The following MAGI1 variants were observed in gnomAD, a reference collection of about 807,000 sequenced individuals.
MAGI1 encodes membrane associated guanylate kinase, WW and PDZ domain containing 1.
Under a neutral mutation model 139.9 loss-of-function variants are expected in MAGI1, and 58 were observed. The observed-to-expected ratio is 0.41, with a 90% CI of 0.34 to 0.52. The LOEUF is 0.52. MAGI1 is among the 20% of genes least tolerant of loss of function. The pLI, the probability that MAGI1 is intolerant of heterozygous loss-of-function variation, is 0.12. For synonymous variants in MAGI1, 812 were observed against 737.9 expected (o/e 1.10, Z -1.63); for missense variants, 1,874 against 1,901.6 (o/e 0.99, Z 0.27).
At chr3:66,025,623 G>A (rs975578809) in intron 1 of MAGI1, among the ~76,000 whole-genome samples, 1 of 152,148 alleles carries the variant, frequency 6.6e-6, no homozygotes, top group African/African-American at 2.4e-5. Context: ...CAAACAGCAT[G>A]TACTGTACAG....
chr3:65,601,598 A>AC (rs1421341408), intron 2 of MAGI1, among the ~76,000 whole-genome samples: 2 of 152,036 alleles, frequency 1.3e-5, no homozygotes, highest in Non-Finnish European at 2.9e-5. Flanking sequence ...ATGAAGTTGG[A>AC]CCCCCACCTC....
At chr3:65,851,460 G>T (rs1274356805) in intron 1 of MAGI1, among the ~76,000 whole-genome samples, 2 of 151,986 alleles carry the variant, frequency 1.3e-5, no homozygotes, top group African/African-American at 4.8e-5. Context: ...AAAAAAATCT[G>T]TTAGGTTGCC....
intron 1 of MAGI1, among the ~76,000 whole-genome samples, chr3:65,748,822 T>C (rs2035905870): frequency 1.3e-5 from 2 of 152,140 alleles, no homozygotes; most frequent in African/African-American, 4.8e-5. Flanking sequence ...GATTGATGTT[T>C]GGCCAGGTTA....
chr3:65,603,750 G>C (rs1476374300), intron 2 of MAGI1, among the ~76,000 whole-genome samples: 1 of 152,192 alleles, frequency 6.6e-6, no homozygotes, highest in Non-Finnish European at 1.5e-5. Context: ...CATAGTTCTG[G>C]AGGCAGGGAA....
At chr3:65,644,929 G>A (rs968170861) in intron 1 of MAGI1, among the ~76,000 whole-genome samples, 21 of 151,362 alleles carry the variant, frequency 1.4e-4, no homozygotes, top group African/African-American at 3.9e-4. Context: ...CCTGGGAAGC[G>A]GAGGTTGCAG....
In MAGI1 at chr3:65,448,050, T is replaced by A. The variant is rs1948782001; in HGVS notation, c.1050A>T (p.Val350=). 1.9e-6 allele frequency: 3 copies of A among 1,613,946 alleles called. No homozygotes were observed. The highest frequency in any genetic ancestry group is 2.5e-6 in the Non-Finnish European group (3 of 1,179,984). ...GTTCACTGTCCAGCTCCTCGGTGTG[T>A]ACCCCTTCTTCTCCAAAGGAATAGC... is the stretch of plus-strand genomic sequence containing the variant. ...PLEECEDDEG[V]HTEELDSELE... is the part of the protein sequence containing the mutation. Residue 350 remains valine (V), a synonymous_variant, in exon 7 of 23, where the codon GTA becomes GTT. Transcript: ENST00000402939.
At chr3:65,726,885 A>T (rs2033674371) in intron 1 of MAGI1, among the ~76,000 whole-genome samples, 1 of 151,794 alleles carries the variant, frequency 6.6e-6, no homozygotes, top group Non-Finnish European at 1.5e-5. Flanking sequence ...AATGGAACAG[A>T]TAAAGGGAGA....
At chr3:65,736,352 G>A (rs2034727974) in intron 1 of MAGI1, among the ~76,000 whole-genome samples, 1 of 152,058 alleles carries the variant, frequency 6.6e-6, no homozygotes. Flanking sequence ...TATTAGTCAG[G>A]GCTCTCCAGA....
intron 1 of MAGI1, among the ~76,000 whole-genome samples, chr3:65,941,663 C>T (rs567035171): frequency 6.6e-6 from 1 of 152,188 alleles, no homozygotes; most frequent in East Asian, 1.9e-4. Flanking sequence ...ATGAAAACCC[C>T]AACTTTAAAG....
intron 5 of MAGI1, among the ~76,000 whole-genome samples, chr3:65,453,983 T>C (rs1329120376): frequency 1.3e-5 from 2 of 152,200 alleles, no homozygotes; most frequent in Non-Finnish European, 1.5e-5. Context: ...AGGGATAAAG[T>C]TCAATTCTAG....
intron 12 of MAGI1, among the ~76,000 whole-genome samples, chr3:65,423,599 G>C (rs1375487678): frequency 6.6e-6 from 1 of 152,210 alleles, no homozygotes; most frequent in Non-Finnish European, 1.5e-5. Context: ...TATGGTACTG[G>C]AGCAATTTCT....
intron 1 of MAGI1, among the ~76,000 whole-genome samples, chr3:65,815,273 G>A (rs758380644): frequency 6.6e-6 from 1 of 152,190 alleles, no homozygotes; most frequent in Admixed American, 6.5e-5. Flanking sequence ...GCCAACACAC[G>A]GTTGTTGATT....
At chr3:65,757,218 G>A (rs1048471809) in intron 1 of MAGI1, among the ~76,000 whole-genome samples, 8 of 152,296 alleles carry the variant, frequency 5.3e-5, no homozygotes, top group African/African-American at 1.9e-4. Flanking sequence ...AAGAAGCACT[G>A]ACTTATAACC....
intron 1 of MAGI1, among the ~76,000 whole-genome samples, chr3:65,648,178 A>T (rs190268665): frequency 2.6e-5 from 4 of 151,556 alleles, no homozygotes; most frequent in Admixed American, 2.6e-4. Flanking sequence ...TTTTTGAAAC[A>T]CTGTCACCTA....
intron 17 of MAGI1, among the ~76,000 whole-genome samples, chr3:65,377,061 TG>T (rs970416459): frequency 7.2e-5 from 11 of 152,190 alleles, no homozygotes; most frequent in African/African-American, 2.7e-4. Context: ...AGTTACCTTT[TG>T]GAAAGGGTGA....
chr3:65,401,388 C>A, intron 13 of MAGI1, 51 bp downstream of exon 13: 3 of 1,550,366 alleles, frequency 1.9e-6, no homozygotes, highest in Non-Finnish European at 2.6e-6. Context: ...CTCCAGCCCC[C>A]CACCATCCAC....
At chr3:65,509,207 C>A (rs1299835148) in intron 2 of MAGI1, among the ~76,000 whole-genome samples, 1 of 152,070 alleles carries the variant, frequency 6.6e-6, no homozygotes, top group Non-Finnish European at 1.5e-5. Flanking sequence ...ACAAACAAAA[C>A]ACAGGTATTT....
At chr3:65,529,857 A>G (rs1320202853) in intron 2 of MAGI1, among the ~76,000 whole-genome samples, 1 of 152,214 alleles carries the variant, frequency 6.6e-6, no homozygotes, top group East Asian at 1.9e-4. Flanking sequence ...TACACACAGT[A>G]GCTCATTTCT....
At chr3:65,763,699 G>T (rs1002457436) in intron 1 of MAGI1, among the ~76,000 whole-genome samples, 32 of 151,750 alleles carry the variant, frequency 2.1e-4, no homozygotes, top group African/African-American at 7.5e-4. Context: ...TAACAAAATA[G>T]CACAGTCTTC....
Sources: allele counts gnomAD v4.1 joint callset (sites outside exome capture counted in the v4.1 genomes callset), GRCh38; gene constraint gnomAD v4.1.1; transcripts MANE v1.5; gene names NCBI Gene and HGNC (gene_info 2026-07-23, HGNC 2026-07-21).